SLCO3A1: variants seen among roughly 807,000 people sequenced by gnomAD.
SLCO3A1 encodes the protein PGE1 transporter.
Under a neutral mutation model 63.1 loss-of-function variants are expected in SLCO3A1, and 27 were observed. That is an observed-to-expected ratio of 0.43 (90% CI 0.32 to 0.59). SLCO3A1 has a LOEUF of 0.59. Ranked by LOEUF, SLCO3A1 falls within the 20% of genes least tolerant of loss-of-function variation. The pLI is 0.09. For missense variants in SLCO3A1, 773 were observed against 945.8 expected (o/e 0.82, Z 2.40); for synonymous variants, 473 against 409.9 (o/e 1.15, Z -1.86).
intron 4 of SLCO3A1, among the ~76,000 whole-genome samples, chr15:92,118,017 G>T (rs2047816585): frequency 6.6e-6 from 1 of 152,150 alleles, no homozygotes; most frequent in African/African-American, 2.4e-5. Context: ...TATTTGAAAT[G>T]ATATTTCTAA....
At position 91,939,696 on chromosome 15, in the gene SLCO3A1, A is replaced by G. The variant is rs567965272; in HGVS notation, c.646+23238A>G. 5.9e-5 allele frequency among the ~76,000 whole-genome samples: 9 copies of G among 152,212 alleles called. No homozygotes were observed. The South Asian group carries it at 1.9e-3, about 32-fold the overall frequency. ...CCTCCTCCTCTGCAGCATTCCAGTCATAGCTTGGACTCTTTCCCGTCAGTC... is the reference window on the plus strand; with the variant it reads ...CCTCCTCCTCTGCAGCATTCCAGTCGTAGCTTGGACTCTTTCCCGTCAGTC... On this transcript the variant is annotated intron_variant, in intron 2 of 9. Transcript: ENST00000318445.
intron 2 of SLCO3A1, among the ~76,000 whole-genome samples, chr15:92,056,178 C>A (rs923684628): frequency 6.6e-6 from 1 of 151,936 alleles, no homozygotes; most frequent in Non-Finnish European, 1.5e-5. Flanking sequence ...CTTCTTTCCC[C>A]TTTATTTCCA....
In SLCO3A1 at chr15:91,954,516, GTGA is replaced by G. The variant is rs1270730896; in HGVS notation, c.646+38062_646+38064del. The stretch of plus-strand genomic sequence containing the variant: ...CACTGGGAGAGGGCTGTGTGGGAGA[GTGA>G]TGAACAGCCTACCTGGTCAGGTGCC... On this transcript the variant is annotated intron_variant, in intron 2 of 9. Transcript: ENST00000318445. This position sits in a 1 kb window ranked among gnomAD's most constrained non-coding sequence, Gnocchi z 4.7. 6.6e-6 allele frequency among the ~76,000 whole-genome samples: 1 copy of G among 152,224 alleles called. No individual in the cohort carries two copies. Among genetic ancestry groups the G allele is most frequent in the Non-Finnish European group, 1.5e-5 (1 of 68,048 alleles).
intron 2 of SLCO3A1, among the ~76,000 whole-genome samples, chr15:91,986,591 A>T (rs562315966): frequency 1.3e-4 from 18 of 142,240 alleles, no homozygotes; most frequent in East Asian, 6.0e-4. Context: ...ACATTCTTTT[A>T]AAAAAAAAAA....
rs1252803255 is a variant in SLCO3A1 at position 91,872,160 on chromosome 15, A to C, written c.180+18072A>C. 6.6e-6 allele frequency among the ~76,000 whole-genome samples: 1 copy of C among 152,006 alleles called. No individual in the cohort carries two copies. The highest frequency in any genetic ancestry group is 1.5e-5 in the Non-Finnish European group (1 of 67,996). ...GGGAGGACACAAGCAGTCTGATCGA[A>C]CTCTCACACAAATCCCATGCAGTAG... is the stretch of plus-strand genomic sequence containing the variant. On this transcript the variant is annotated intron_variant, in intron 1 of 9. Transcript: ENST00000318445. This position sits in a 1 kb window ranked among gnomAD's most constrained non-coding sequence, Gnocchi z 4.1.
intron 2 of SLCO3A1, among the ~76,000 whole-genome samples, chr15:91,963,144 C>T (rs139914802): frequency 1.4e-3 from 218 of 152,158 alleles, no homozygotes; most frequent in African/African-American, 5.0e-3. Context: ...CCTGTTTAAT[C>T]CTAAATAGGT....
chr15:92,093,398 C>T (rs541196466), intron 2 of SLCO3A1, among the ~76,000 whole-genome samples: 1 of 152,306 alleles, frequency 6.6e-6, no homozygotes, highest in East Asian at 1.9e-4. Flanking sequence ...GCACACCCAT[C>T]ACCAAGGGGG....
chr15:91,959,158 G>A (rs995012634), intron 2 of SLCO3A1, among the ~76,000 whole-genome samples: 1 of 152,202 alleles, frequency 6.6e-6, no homozygotes, highest in African/African-American at 2.4e-5. Context: ...TCTAAGGGAA[G>A]TAGCTCAGGA....
intron 2 of SLCO3A1, among the ~76,000 whole-genome samples, chr15:91,963,929 C>T (rs568267861): frequency 2.6e-5 from 4 of 152,218 alleles, no homozygotes; most frequent in South Asian, 4.1e-4. Context: ...TATTTGGCCC[C>T]GCCCACATCC....
intron 1 of SLCO3A1, among the ~76,000 whole-genome samples, chr15:91,880,399 C>CTG (rs1158728794): frequency 8.7e-6 from 1 of 114,482 alleles, no homozygotes; most frequent in Non-Finnish European, 1.8e-5. Context: ...CTCTCTCTCT[C>CTG]TCTCTCTCTC....
At chr15:92,022,628 C>T (rs1203982863) in intron 2 of SLCO3A1, among the ~76,000 whole-genome samples, 4 of 152,222 alleles carry the variant, frequency 2.6e-5, no homozygotes, top group Non-Finnish European at 5.9e-5. Context: ...CATTTTGCCT[C>T]TCTGAAACAG....
intron 2 of SLCO3A1, among the ~76,000 whole-genome samples, chr15:91,960,639 A>G (rs534907715): frequency 1.3e-5 from 2 of 152,214 alleles, no homozygotes; most frequent in East Asian, 3.9e-4. Context: ...GGAGTAATTT[A>G]TTCTTTTCTC....
At chr15:92,013,322 T>C (rs2046390126) in intron 2 of SLCO3A1, among the ~76,000 whole-genome samples, 1 of 152,228 alleles carries the variant, frequency 6.6e-6, no homozygotes, top group South Asian at 2.1e-4. Context: ...TGTTGAGGCT[T>C]GGTTTGAGTC....
chr15:92,014,995 T>C (rs1024466004), intron 2 of SLCO3A1, among the ~76,000 whole-genome samples: 1 of 152,186 alleles, frequency 6.6e-6, no homozygotes, highest in Admixed American at 6.5e-5. Context: ...TGATGCATTC[T>C]TTCTTGGTTC....
In SLCO3A1 at chr15:92,165,738, A is replaced by G; in HGVS notation, c.*2603A>G. 1 of 985,138 alleles carries G rather than the reference A, an allele frequency of 1.0e-6. No homozygotes were observed. Among genetic ancestry groups the G allele is most frequent in the Non-Finnish European group, 1.2e-6 (1 of 829,844 alleles). The allele number at this position is 985,138 out of a possible 1,614,324, so 61.0% of individuals were successfully genotyped here. A position where few individuals can be genotyped will look rare whatever the true frequency, so the allele number is the denominator to read the frequency against. On this transcript the variant is annotated 3_prime_UTR_variant, in exon 10 of 10. Coordinates refer to ENST00000318445, the MANE Select transcript of SLCO3A1 (RefSeq NM_013272.4). Reference sequence around the variant, plus strand: ...TAGTACCGAACAGAAAACTCAGTCTAGTTTTAATTTGCCTTTTGTGCTCTA... The same window carrying G: ...TAGTACCGAACAGAAAACTCAGTCTGGTTTTAATTTGCCTTTTGTGCTCTA...
intron 2 of SLCO3A1, among the ~76,000 whole-genome samples, chr15:91,971,394 C>A (rs1341728071): frequency 2.9e-3 from 116 of 39,358 alleles, no homozygotes; most frequent in South Asian, 0.013. Context: ...GACTCCATCT[C>A]AAAAAAAAAA....
chr15:91,938,089 CTTA>C (rs1418988958), intron 2 of SLCO3A1, among the ~76,000 whole-genome samples: 9 of 152,124 alleles, frequency 5.9e-5, no homozygotes, highest in African/African-American at 2.2e-4. Flanking sequence ...GCATATTGCT[CTTA>C]TTATTGAAAG....
intron 2 of SLCO3A1, among the ~76,000 whole-genome samples, chr15:92,007,050 C>T (rs1294830917): frequency 1.3e-5 from 2 of 152,218 alleles, no homozygotes; most frequent in Non-Finnish European, 2.9e-5. Flanking sequence ...CACTCACATG[C>T]ATTGCACAAC....
chr15:91,860,223 G>T lies in SLCO3A1; in HGVS notation c.180+6135G>T, dbSNP rs75159695. Among the ~76,000 whole-genome samples the T allele has an allele frequency of 0.013, 1,945 of 152,280 alleles. 36 individuals carry two copies. Among genetic ancestry groups the T allele is most frequent in the African/African-American group, 0.041 (1,719 of 41,526 alleles). On this transcript the variant is annotated intron_variant, in intron 1 of 9. Coordinates refer to ENST00000318445, the MANE Select transcript of SLCO3A1 (RefSeq NM_013272.4). This position sits in a 1 kb window ranked among gnomAD's most constrained non-coding sequence, Gnocchi z 5.5. ...TCCTCAGTATCTCTTGCTGTGGTCT[G>T]TGGCCACTGGGTGCTGAAGGCTGAG...
Sources: allele counts gnomAD v4.1 joint callset (sites outside exome capture counted in the v4.1 genomes callset), GRCh38; gene constraint gnomAD v4.1.1; non-coding constraint Gnocchi (gnomAD v3.1); transcripts MANE v1.5; gene names NCBI Gene and HGNC (gene_info 2026-07-23, HGNC 2026-07-21).